Variants in CSMD1 observed in about 807,000 individuals in gnomAD.
The protein encoded by CSMD1 is CUB and sushi domain-containing protein 1.
In CSMD1, 213 loss-of-function variants were observed where a neutral mutation model predicts 417.5. That is an observed-to-expected ratio of 0.51 (90% confidence interval 0.46 to 0.57). CSMD1 has a LOEUF of 0.57. Among genes scored for constraint, CSMD1 ranks in the 20% least tolerant of loss-of-function variants. The pLI, the probability that CSMD1 is intolerant of heterozygous loss-of-function variation, is 0.00. For missense variants in CSMD1, 6,923 were observed against 4,529.7 expected, an observed-to-expected ratio of 1.53 and a Z score of -15.17; for synonymous variants, 2,862 against 1,736.8, an observed-to-expected ratio of 1.65 and a Z score of -16.11.
At chr8:3,119,077 G>C (rs576222772) in intron 41 of CSMD1, among the ~76,000 whole-genome samples, 2 of 152,180 alleles carry the variant, frequency 1.3e-5, no homozygotes, top group South Asian at 4.1e-4. Flanking sequence ...CTACTCAGGA[G>C]GCTGAGGCGG....
chr8:4,310,187 A>T (rs1168863600), intron 3 of CSMD1, among the ~76,000 whole-genome samples: 1 of 152,202 alleles, frequency 6.6e-6, no homozygotes, highest in African/African-American at 2.4e-5. Flanking sequence ...TAAAGAAACA[A>T]TGGTAATCTC....
chr8:3,560,713 T>G (rs986561041), intron 10 of CSMD1, among the ~76,000 whole-genome samples: 1 of 152,344 alleles, frequency 6.6e-6, no homozygotes, highest in Non-Finnish European at 1.5e-5. Context: ...CTTTTTGACA[T>G]AAATTAGTGG....
intron 27 of CSMD1, among the ~76,000 whole-genome samples, chr8:3,229,669 T>G (rs989870816): frequency 6.6e-6 from 1 of 152,110 alleles, no homozygotes. Context: ...TTTTAGTGAG[T>G]AGGTTTTGCT....
At chr8:3,967,093 G>C (rs569079786) in intron 5 of CSMD1, among the ~76,000 whole-genome samples, 3 of 152,156 alleles carry the variant, frequency 2.0e-5, no homozygotes, top group Non-Finnish European at 2.9e-5. Context: ...AACAAGGAAA[G>C]AAAGCCATGA....
At chr8:4,218,482 CT>C (rs1173911590) in intron 3 of CSMD1, among the ~76,000 whole-genome samples, 3 of 152,170 alleles carry the variant, frequency 2.0e-5, no homozygotes, top group Non-Finnish European at 4.4e-5. Context: ...CCTCCACTTG[CT>C]GTATGATCTT....
chr8:3,197,697 C>G (rs989620588), intron 33 of CSMD1, among the ~76,000 whole-genome samples: 1 of 152,018 alleles, frequency 6.6e-6, no homozygotes, highest in Non-Finnish European at 1.5e-5. Flanking sequence ...ATCTCCTGAC[C>G]TCGTGATCCG....
At chr8:3,327,233 C>G (rs913611665) in intron 23 of CSMD1, among the ~76,000 whole-genome samples, 1 of 151,978 alleles carries the variant, frequency 6.6e-6, no homozygotes, top group Non-Finnish European at 1.5e-5. Context: ...AGCTCCGCCT[C>G]CCAGGTTCAC....
chr8:4,018,664 T>C (rs1323297860), intron 4 of CSMD1, among the ~76,000 whole-genome samples: 3 of 152,218 alleles, frequency 2.0e-5, no homozygotes, highest in Non-Finnish European at 2.9e-5. Flanking sequence ...TAATTCAAGT[T>C]GTAATATTTG....
At chr8:4,873,622 G>A (rs747698000) in intron 1 of CSMD1, among the ~76,000 whole-genome samples, 1 of 152,070 alleles carries the variant, frequency 6.6e-6, no homozygotes, top group African/African-American at 2.4e-5. Flanking sequence ...TTAAGCAATC[G>A]ATCAATGTTC....
chr8:3,757,732 C>T (rs1322978229), intron 5 of CSMD1, among the ~76,000 whole-genome samples: 2 of 151,890 alleles, frequency 1.3e-5, no homozygotes, highest in Non-Finnish European at 2.9e-5. Flanking sequence ...ACAGGTAATC[C>T]TAGATAATCG....
At chr8:4,387,160 A>G (rs1803508184) in intron 3 of CSMD1, among the ~76,000 whole-genome samples, 1 of 152,226 alleles carries the variant, frequency 6.6e-6, no homozygotes, top group African/African-American at 2.4e-5. Flanking sequence ...TTGGAAAATG[A>G]GTTAACACAA....
intron 10 of CSMD1, among the ~76,000 whole-genome samples, chr8:3,501,463 G>T (rs1325613009): frequency 1.3e-5 from 2 of 152,148 alleles, no homozygotes; most frequent in African/African-American, 4.8e-5. Context: ...AATTTTCCAA[G>T]ATTTAGAACT....
At chr8:4,097,934 G>C (rs76633181) in intron 3 of CSMD1, among the ~76,000 whole-genome samples, 4,282 of 152,250 alleles carry the variant, frequency 0.028, 89 homozygotes, top group Non-Finnish European at 0.043. Flanking sequence ...TGAAGGTAAA[G>C]TTAATTTCTG....
intron 1 of CSMD1, among the ~76,000 whole-genome samples, chr8:4,674,516 A>T (rs1805550948): frequency 6.6e-6 from 1 of 152,140 alleles, no homozygotes; most frequent in South Asian, 2.1e-4. Context: ...GTACTCAGTA[A>T]AATCAGCAGG....
chr8:4,926,490 T>G (rs556850437), intron 1 of CSMD1, among the ~76,000 whole-genome samples: 11 of 152,270 alleles, frequency 7.2e-5, no homozygotes, highest in Non-Finnish European at 1.5e-4. Flanking sequence ...GTAATTTTTC[T>G]ATGTAAATGT....
At chr8:4,550,135 G>A (rs1029043657) in intron 2 of CSMD1, among the ~76,000 whole-genome samples, 2 of 151,648 alleles carry the variant, frequency 1.3e-5, no homozygotes, top group African/African-American at 2.4e-5. Context: ...CTCCTTTTCT[G>A]CTTGGTGTGG....
rs1483238192 is a variant in CSMD1 at position 3,286,685 on chromosome 8, G to T, written c.3951-2339C>A. 2.7e-5 allele frequency among the ~76,000 whole-genome samples: 4 copies of T among 150,908 alleles called. No homozygotes were observed. In the Admixed American group the frequency reaches 2.7e-4, roughly 10 times the overall value. On this transcript the variant is annotated intron_variant, in intron 25 of 69. Coordinates refer to ENST00000635120, the MANE Select transcript of CSMD1 (RefSeq NM_033225.6). Reference sequence around the variant, plus strand: ...TTATTGAAGGGGTTGTTTTTTTCTTGTAAATTTGTTAGAGTTCATTGTAGA... The same window carrying T: ...TTATTGAAGGGGTTGTTTTTTTCTTTTAAATTTGTTAGAGTTCATTGTAGA...
chr8:3,442,691 C>A (rs536885393), intron 12 of CSMD1, among the ~76,000 whole-genome samples: 1 of 152,248 alleles, frequency 6.6e-6, no homozygotes, highest in South Asian at 2.1e-4. Context: ...CAGAACGTAT[C>A]CCTGTTGTTG....
At chr8:4,343,787 G>C (rs75869603) in intron 3 of CSMD1, among the ~76,000 whole-genome samples, 3 of 151,932 alleles carry the variant, frequency 2.0e-5, no homozygotes, top group Admixed American at 2.0e-4. Flanking sequence ...TACACGTTCC[G>C]TATTAGAAAT....
Sources: gnomAD v4.1 joint callset for allele counts (sites outside exome capture counted in the v4.1 genomes callset) on GRCh38, gnomAD v4.1.1 for gene constraint, MANE v1.5 for transcripts, NCBI Gene and HGNC (gene_info 2026-07-23, HGNC 2026-07-21) for gene names.